The following PLEKHM3 variants were observed in gnomAD, a reference collection of about 807,000 sequenced individuals.
The protein encoded by PLEKHM3 is pleckstrin homology domain-containing family M member 3.
Under a neutral mutation model 81.8 loss-of-function variants are expected in PLEKHM3, and 45 were observed. That is an observed-to-expected ratio of 0.55 (90% CI 0.43 to 0.71). The LOEUF (loss-of-function observed/expected upper bound fraction) is 0.71, where lower values mean the gene tolerates loss of function less well. Ranked by LOEUF, PLEKHM3 falls within the 30% of genes least tolerant of loss-of-function variation. The pLI is 0.00. For synonymous variants in PLEKHM3, 352 were observed against 356.4 expected, an observed-to-expected ratio of 0.99 and a Z score of 0.14; for missense variants, 788 against 924.3, an observed-to-expected ratio of 0.85 and a Z score of 1.91.
At chr2:207,880,020 T>C (rs1165703320) in intron 6 of PLEKHM3, among the ~76,000 whole-genome samples, 4 of 152,208 alleles carry the variant, frequency 2.6e-5, no homozygotes, top group Admixed American at 1.3e-4. Flanking sequence ...CATTTGGTTG[T>C]CATCACTCAA....
chr2:207,917,841 GA>G lies in PLEKHM3; in HGVS notation c.1887-9265del, dbSNP rs995211942. ...CAACAGTGATACCTTGTCTCAAAAA[GA>G]AAAAAAAATTCTGCCCTAAGAGACA... is the stretch of plus-strand genomic sequence containing the variant. On this transcript the variant is annotated intron_variant, in intron 5 of 7. Coordinates refer to ENST00000427836, the MANE Select transcript of PLEKHM3 (RefSeq NM_001080475.3). Among the ~76,000 whole-genome samples, 6 of 151,226 alleles carry G rather than the reference GA, an allele frequency of 4.0e-5. No homozygotes were observed. The East Asian group carries it at 7.8e-4, about 20-fold the overall frequency.
Position 207,828,491 on chromosome 2 carries a change from T to C in PLEKHM3, c.2114A>G (p.Glu705Gly), listed in dbSNP as rs2092265725. ...AGAATGGAAAACGGCTCCACAGCTT[T>C]CACACCTGCAAAAGTCAACCATGGA... is the stretch of plus-strand genomic sequence containing the variant. ...PFEDISTSRC[E>G]SCGAVFHSEC... Residue 705 changes from glutamate to glycine, a missense_variant, in exon 8 of 8, where the codon GAA becomes GGA. Transcript: ENST00000427836. The C allele has an allele frequency of 6.2e-7, 1 of 1,613,544 alleles. No individual in the cohort carries two copies. The highest frequency in any genetic ancestry group is 1.3e-5 in the African/African-American group (1 of 74,876).
At chr2:207,847,731 A>G (rs2105894638) in intron 7 of PLEKHM3, among the ~76,000 whole-genome samples, 1 of 152,344 alleles carries the variant, frequency 6.6e-6, no homozygotes, top group South Asian at 2.1e-4. Flanking sequence ...GCTCCTCTGA[A>G]AAGGTACTCT....
intron 7 of PLEKHM3, among the ~76,000 whole-genome samples, chr2:207,829,594 T>C (rs1295390866): frequency 1.3e-5 from 2 of 151,938 alleles, no homozygotes; most frequent in Admixed American, 1.3e-4. Context: ...CTTTTAATAA[T>C]GAGTAACTGA....
rs781247400 is a variant in PLEKHM3, at chr2:208,001,326, T to C, written c.314A>G (p.Asn105Ser). The C allele has an allele frequency of 1.2e-6, 2 of 1,614,188 alleles. No individual in the cohort carries two copies. The highest frequency in any genetic ancestry group is 1.7e-5 in the Admixed American group (1 of 60,026). ...FMVQRGTTPDNLSWMEQKEAS... is the reference protein window; with the variant it reads ...FMVQRGTTPDSLSWMEQKEAS... ...TTCCTTTTGTTCCATCCAGGAAAGA[T>C]TATCTGGGGTTGTCCCTCTCTGGAC... Residue 105 changes from asparagine (N) to serine (S), a missense_variant, in exon 2 of 8, where the codon AAT becomes AGT. Transcript: ENST00000427836.
chr2:207,891,207 C>T (rs565908820), intron 6 of PLEKHM3, among the ~76,000 whole-genome samples: 66 of 152,238 alleles, frequency 4.3e-4, no homozygotes, highest in African/African-American at 7.7e-4. Flanking sequence ...GAATAAAAAA[C>T]GGAGACAAAG....
chr2:207,859,120 T>C (rs1270459929), intron 7 of PLEKHM3, among the ~76,000 whole-genome samples: 1 of 149,328 alleles, frequency 6.7e-6, no homozygotes, highest in African/African-American at 2.5e-5. Context: ...CATGTATCAG[T>C]ACGTTTTTTC....
At chr2:207,968,265 A>C (rs955651887) in intron 3 of PLEKHM3, among the ~76,000 whole-genome samples, 5 of 152,044 alleles carry the variant, frequency 3.3e-5, no homozygotes, top group African/African-American at 1.2e-4. Context: ...CTCCCAGAGC[A>C]CCTACTACAG....
At chr2:208,023,728 G>T (rs1182575944) in intron 1 of PLEKHM3, among the ~76,000 whole-genome samples, 1 of 152,016 alleles carries the variant, frequency 6.6e-6, no homozygotes, top group East Asian at 1.9e-4. Context: ...CCCGCTCTGT[G>T]GAAAAATGGT....
intron 6 of PLEKHM3, among the ~76,000 whole-genome samples, chr2:207,879,430 C>T (rs1023549069): frequency 1.3e-5 from 2 of 152,224 alleles, no homozygotes; most frequent in African/African-American, 4.8e-5. Flanking sequence ...AGTGCTCTTG[C>T]TTAATTTCTA....
chr2:207,875,810 A>G (rs1157609725), intron 6 of PLEKHM3, among the ~76,000 whole-genome samples: 1 of 152,048 alleles, frequency 6.6e-6, no homozygotes, highest in Non-Finnish European at 1.5e-5. Context: ...TGTCTCTTAA[A>G]AAAAGCAAAC....
At chr2:208,010,801 G>T (rs1692662322) in intron 1 of PLEKHM3, among the ~76,000 whole-genome samples, 1 of 152,078 alleles carries the variant, frequency 6.6e-6, no homozygotes, top group Non-Finnish European at 1.5e-5. Context: ...AGTAATAGAG[G>T]CTGTGTTTCT....
At chr2:207,836,097 G>A (rs1011774739) in intron 7 of PLEKHM3, among the ~76,000 whole-genome samples, 1 of 152,140 alleles carries the variant, frequency 6.6e-6, no homozygotes, top group African/African-American at 2.4e-5. Context: ...GTGCCCTGAC[G>A]AACTGGTCCC....
intron 7 of PLEKHM3, among the ~76,000 whole-genome samples, chr2:207,852,381 A>T (rs1408653676): frequency 1.3e-5 from 2 of 152,246 alleles, no homozygotes; most frequent in Non-Finnish European, 2.9e-5. Context: ...TGCTGGCACT[A>T]GTACTAATAA....
Position 207,990,543 on chromosome 2 carries a change from G to A in PLEKHM3, c.610+10487C>T, listed in dbSNP as rs1691866237. On this transcript the variant is annotated intron_variant, in intron 2 of 7. Transcript: ENST00000427836. The stretch of plus-strand genomic sequence containing the variant: ...GACTATGTTCAAGCCAGAAACAAAC[G>A]GAAAAAATGAACTAATTTTAGGTCT... 2.0e-5 allele frequency among the ~76,000 whole-genome samples: 3 copies of A among 152,076 alleles called. 1 individual carries two copies. Among genetic ancestry groups the A allele is most frequent in the South Asian group, 4.1e-4 (2 of 4,824 alleles).
chr2:207,997,224 C>T (rs1205416223), intron 2 of PLEKHM3, among the ~76,000 whole-genome samples: 1 of 152,188 alleles, frequency 6.6e-6, no homozygotes, highest in Admixed American at 6.5e-5. Context: ...TACCCACAGC[C>T]CTCATTATAC....
chr2:207,853,412 C>T (rs989272242), intron 7 of PLEKHM3, among the ~76,000 whole-genome samples: 6 of 136,716 alleles, frequency 4.4e-5, no homozygotes, highest in Non-Finnish European at 7.7e-5. Context: ...AGTGAAACTT[C>T]GTCTCAAAAA....
chr2:207,978,328 G>C (rs1425255061), intron 2 of PLEKHM3, among the ~76,000 whole-genome samples: 1 of 144,626 alleles, frequency 6.9e-6, no homozygotes, highest in Non-Finnish European at 1.5e-5. Context: ...TGGTGCAAAA[G>C]TAATTGCGGT....
chr2:207,854,179 A>G (rs2092426965), intron 7 of PLEKHM3, among the ~76,000 whole-genome samples: 1 of 152,234 alleles, frequency 6.6e-6, no homozygotes, highest in Non-Finnish European at 1.5e-5. Flanking sequence ...TGCCAAATTT[A>G]GCAGAATGGT....
Sources: allele counts gnomAD v4.1 joint callset (sites outside exome capture counted in the v4.1 genomes callset), GRCh38; gene constraint gnomAD v4.1.1; transcripts MANE v1.5; gene names NCBI Gene and HGNC (gene_info 2026-07-23, HGNC 2026-07-21).